The following ATP2C2 variants were observed in gnomAD, a reference collection of about 807,000 sequenced individuals.
The protein encoded by ATP2C2 is calcium-transporting ATPase type 2C member 2.
In ATP2C2, 171 loss-of-function variants were observed where a neutral mutation model predicts 110.8. That is an observed-to-expected ratio of 1.54 (90% CI 1.36 to 1.75). ATP2C2 has a LOEUF of 1.75. Ranked by LOEUF, ATP2C2 falls within the 40% of genes most tolerant of loss-of-function variation. ATP2C2 has a pLI of 0.00. For synonymous variants in ATP2C2, 804 were observed against 508.4 expected, an observed-to-expected ratio of 1.58 and a Z score of -7.82; for missense variants, 1,963 against 1,235.0, an observed-to-expected ratio of 1.59 and a Z score of -8.84.
chr16:84,446,195 T>G, intron 15 of ATP2C2, 134 bp from the exon 16 acceptor site: 1 of 454,516 alleles, frequency 2.2e-6, no homozygotes, highest in East Asian at 3.6e-5. Flanking sequence ...AATGGCCTTT[T>G]TTCTATGTGC....
In ATP2C2 at chr16:84,405,171, G is replaced by C; in HGVS notation, c.254G>C (p.Arg85Pro). The change falls in exon 3 of 27, where the codon CGC becomes CCC. Residue 85 changes from arginine (R) to proline (P), a missense_variant. Coordinates refer to ENST00000262429, the MANE Select transcript of ATP2C2 (RefSeq NM_014861.4). Reference protein sequence around the residue: ...TGLSEFSVTQRRLAHGWNEFV... With the variant: ...TGLSEFSVTQPRLAHGWNEFV... ...CTGTCGGAGTTCTCGGTGACGCAGCGCCGGCTGGCCCATGGCTGGAATGAG... is the reference window on the plus strand; with the variant it reads ...CTGTCGGAGTTCTCGGTGACGCAGCCCCGGCTGGCCCATGGCTGGAATGAG... 6.2e-7 allele frequency: 1 copy of C among 1,613,778 alleles called. No individual in the cohort carries two copies. Among genetic ancestry groups the C allele is most frequent in the African/African-American group, 1.3e-5 (1 of 74,904 alleles).
At chr16:84,402,768 C>G (rs896595307) in intron 2 of ATP2C2, among the ~76,000 whole-genome samples, 2 of 151,918 alleles carry the variant, frequency 1.3e-5, no homozygotes, top group Non-Finnish European at 2.9e-5. Flanking sequence ...TTAAATGTGT[C>G]TTTGTCTGGT....
At chr16:84,376,438 G>C (rs1267475045) in intron 1 of ATP2C2, among the ~76,000 whole-genome samples, 1 of 152,136 alleles carries the variant, frequency 6.6e-6, no homozygotes, top group Non-Finnish European at 1.5e-5. Flanking sequence ...GGTGAGTGTA[G>C]ACCAAGTGTG....
chr16:84,461,834 C>G, intron 25 of ATP2C2, 22 bp downstream of exon 25: 1 of 1,611,310 alleles, frequency 6.2e-7, no homozygotes, highest in Non-Finnish European at 8.5e-7. Context: ...GCTGACCCTC[C>G]TCGCTGCAGA....
At chr16:84,433,937 C>T (rs1908514293) in intron 11 of ATP2C2, among the ~76,000 whole-genome samples, 1 of 152,104 alleles carries the variant, frequency 6.6e-6, no homozygotes, top group Non-Finnish European at 1.5e-5. Context: ...TGGACTTGCA[C>T]GTGGGAGACA....
intron 17 of ATP2C2, among the ~76,000 whole-genome samples, chr16:84,450,744 GC>G (rs1334332726): frequency 1.3e-5 from 2 of 152,148 alleles, no homozygotes; most frequent in Non-Finnish European, 2.9e-5. Context: ...TGGCTTCTGT[GC>G]CACAGAAACA....
chr16:84,376,872 C>T lies in ATP2C2; in HGVS notation c.99+8158C>T, dbSNP rs967636817. Among the ~76,000 whole-genome samples, 7 of 152,336 alleles carry T rather than the reference C, an allele frequency of 4.6e-5. No individual in the cohort carries two copies. In the East Asian group the frequency reaches 7.7e-4, roughly 17 times the overall value. Reference sequence around the variant, plus strand: ...GGGATCTCTGTGCAATTGCACTGGCCTCATGCCAGTGAGGCTGGCCCTGCT... The same window carrying T: ...GGGATCTCTGTGCAATTGCACTGGCTTCATGCCAGTGAGGCTGGCCCTGCT... On this transcript the variant is annotated intron_variant, in intron 1 of 26. Transcript: ENST00000262429.
At chr16:84,449,615 CA>C (rs1215278614) in intron 17 of ATP2C2, among the ~76,000 whole-genome samples, 1 of 152,172 alleles carries the variant, frequency 6.6e-6, no homozygotes, top group African/African-American at 2.4e-5. Context: ...AAGCCAGGCC[CA>C]GCTTCTGCGA....
chr16:84,371,903 C>T (rs1909976355), intron 1 of ATP2C2, among the ~76,000 whole-genome samples: 1 of 152,214 alleles, frequency 6.6e-6, no homozygotes, highest in African/African-American at 2.4e-5. Flanking sequence ...TCTCTACCCT[C>T]AGGTATCCCA....
At chr16:84,404,260 TCAGCAAAGC>T (rs1905554036) in intron 2 of ATP2C2, among the ~76,000 whole-genome samples, 1 of 152,234 alleles carries the variant, frequency 6.6e-6, no homozygotes, top group Non-Finnish European at 1.5e-5. Context: ...AGACCCACAG[TCAGCAAAGC>T]GGGTTACATT....
chr16:84,440,511 G>A (rs928315211), intron 13 of ATP2C2, among the ~76,000 whole-genome samples: 5 of 152,230 alleles, frequency 3.3e-5, no homozygotes, highest in African/African-American at 7.2e-5. Context: ...GAGTAGCCAC[G>A]ACAAAGGTGG....
In ATP2C2 at chr16:84,387,040, T is replaced by G. The variant is rs59289604; in HGVS notation, c.100-11459T>G. Among the ~76,000 whole-genome samples the G allele has an allele frequency of 8.9e-3, 1,361 of 152,224 alleles. 9 individuals are homozygous for G. The highest frequency in any genetic ancestry group is 0.017 in the Middle Eastern group (5 of 294). On this transcript the variant is annotated intron_variant, in intron 1 of 26. Coordinates refer to ENST00000262429, the MANE Select transcript of ATP2C2 (RefSeq NM_014861.4). ...ATTGTCGCCACTCACCTGTGGGCAGTGGGGTTGGGGGTGCAGATCTGAGGG... is the reference window on the plus strand; with the variant it reads ...ATTGTCGCCACTCACCTGTGGGCAGGGGGGTTGGGGGTGCAGATCTGAGGG...
chr16:84,431,500 C>A (rs12149426), intron 11 of ATP2C2, among the ~76,000 whole-genome samples: 31,373 of 150,230 alleles, frequency 0.21, 3,429 homozygotes, highest in South Asian at 0.3. Flanking sequence ...TGTCTCAAGA[C>A]GAAAAAAAGG....
intron 1 of ATP2C2, among the ~76,000 whole-genome samples, chr16:84,383,350 C>A (rs1910696750): frequency 6.6e-6 from 1 of 152,210 alleles, no homozygotes; most frequent in Admixed American, 6.5e-5. Context: ...CCTTGGTTTG[C>A]CCATCCAACA....
chr16:84,397,671 A>AAAAAAAAAAAAAAAAAAAAAAAC (rs1567694790), intron 1 of ATP2C2, among the ~76,000 whole-genome samples: 1 of 139,412 alleles, frequency 7.2e-6, no homozygotes, highest in East Asian at 2.1e-4. Flanking sequence ...AAAAAAAAAA[A>AAAAAAAAAAAAAAAAAAAAAAAC]AACTTGCTTA....
intron 16 of ATP2C2, among the ~76,000 whole-genome samples, chr16:84,447,502 C>G (rs1056867683): frequency 6.6e-6 from 1 of 151,466 alleles, no homozygotes; most frequent in African/African-American, 2.4e-5. Flanking sequence ...AATATGCAAA[C>G]GACAACATCT....
At chr16:84,451,609 G>T (rs545493813) in intron 17 of ATP2C2, among the ~76,000 whole-genome samples, 9 of 152,266 alleles carry the variant, frequency 5.9e-5, no homozygotes, top group African/African-American at 2.2e-4. Flanking sequence ...AGGCTGAGGT[G>T]GGCAGATCAC....
intron 16 of ATP2C2, 129 bp from the exon 17 acceptor site, chr16:84,448,404 C>A: frequency 8.5e-7 from 1 of 1,177,952 alleles, no homozygotes; most frequent in Non-Finnish European, 1.2e-6. Flanking sequence ...ACAGCACCAG[C>A]CTATGATAAA....
intron 11 of ATP2C2, among the ~76,000 whole-genome samples, chr16:84,427,659 G>A (rs1167279456): frequency 6.6e-6 from 1 of 152,184 alleles, no homozygotes; most frequent in African/African-American, 2.4e-5. Context: ...GGAGTTTGCA[G>A]TGAGCCGAGA....
Sources: allele counts gnomAD v4.1 joint callset (sites outside exome capture counted in the v4.1 genomes callset), GRCh38; gene constraint gnomAD v4.1.1; transcripts MANE v1.5; gene names NCBI Gene and HGNC (gene_info 2026-07-23, HGNC 2026-07-21).